Variants in CCDC73 observed in about 807,000 individuals in gnomAD.
The protein encoded by CCDC73 is coiled-coil domain containing 73.
Under a neutral mutation model 116.5 loss-of-function variants are expected in CCDC73, and 95 were observed. That is an observed-to-expected ratio of 0.82 (90% CI 0.69 to 0.97). CCDC73 has a LOEUF of 0.97. Ranked by LOEUF, CCDC73 falls within the 50% of genes least tolerant of loss-of-function variation. The pLI is 0.00. For synonymous variants in CCDC73, 398 were observed against 401.3 expected, an observed-to-expected ratio of 0.99 and a Z score of 0.10; for missense variants, 1,066 against 1,206.8, an observed-to-expected ratio of 0.88 and a Z score of 1.73.
At chr11:32,826,659 AC>A in the CCDC73 span, among the ~76,000 whole-genome samples, 3,622 of 128,334 alleles carry the variant, frequency 0.028, 119 homozygotes, top group East Asian at 0.078. Context: ...AAAAAAAAAA[AC>A]AAAAAAAAAA....
At chr11:32,829,779 G>A in the CCDC73 span, 14 of 985,448 alleles carry the variant, frequency 1.4e-5, no homozygotes, top group Non-Finnish European at 1.7e-5. Context: ...GGCCCGCCCG[G>A]GGATGGGGCA....
chr11:32,667,236 G>C (rs1201661732), intron 9 of CCDC73, among the ~76,000 whole-genome samples: 1 of 152,226 alleles, frequency 6.6e-6, no homozygotes, highest in East Asian at 1.9e-4. Flanking sequence ...GCTGCCTTTT[G>C]TTTGGCTATG....
intron 2 of CCDC73, among the ~76,000 whole-genome samples, chr11:32,759,087 T>A (rs1019510116): frequency 6.6e-6 from 1 of 151,998 alleles, no homozygotes; most frequent in African/African-American, 2.4e-5. Context: ...GTCAGTAAAT[T>A]CTATTGATTC....
rs548528052 is a variant in CCDC73, at chr11:32,727,153, G to A, written c.136-9006C>T. ...TTTTTTCATAATTATACTAGCTGTG[G>A]GGGAAGAATGTCATAGAGAATAAAG... is the stretch of plus-strand genomic sequence containing the variant. On this transcript the variant is annotated intron_variant, in intron 2 of 17. Transcript: ENST00000335185. 3.0e-3 allele frequency among the ~76,000 whole-genome samples: 454 copies of A among 152,204 alleles called. 2 individuals are homozygous for A. The highest frequency in any genetic ancestry group is 0.011 in the African/African-American group (440 of 41,530).
chr11:32,783,759 TC>T (rs1850603145), intron 1 of CCDC73, among the ~76,000 whole-genome samples: 1 of 152,164 alleles, frequency 6.6e-6, no homozygotes, highest in Non-Finnish European at 1.5e-5. Flanking sequence ...GGATTAGGTT[TC>T]AACGTATGAA....
Position 32,653,207 on chromosome 11 carries a change from T to C in CCDC73, c.855A>G (p.Gln285=), listed in dbSNP as rs1354140253. 2 of 1,610,330 alleles carry C rather than the reference T, an allele frequency of 1.2e-6. No individual in the cohort carries two copies. The highest frequency in any genetic ancestry group is 2.2e-5 in the South Asian group (2 of 90,654). Residue 285 remains glutamine (Q), a synonymous_variant, in exon 12 of 18, where the codon CAA becomes CAG. Transcript: ENST00000335185. ...EEKQDIIISF[Q]HMQQLLRQQI... is the part of the protein sequence containing the mutation. ...GTTGCCGAAGTAACTGCTGCATATG[T>C]TGGAAAGAAATGATGATATCCTTTG...
intron 2 of CCDC73, among the ~76,000 whole-genome samples, chr11:32,745,751 T>C (rs200567834): frequency 6.7e-6 from 1 of 150,208 alleles, no homozygotes; most frequent in Non-Finnish European, 1.5e-5. Flanking sequence ...TTTGGTTTTT[T>C]TTTTTTTTTT....
At chr11:32,744,001 T>G (rs1032570704) in intron 2 of CCDC73, among the ~76,000 whole-genome samples, 3 of 152,204 alleles carry the variant, frequency 2.0e-5, no homozygotes, top group South Asian at 4.1e-4. Flanking sequence ...TCAAAGGGAA[T>G]GCTTCCAGTC....
At chr11:32,760,314 AG>A (rs1344981370) in intron 1 of CCDC73, 56 bp from the exon 2 acceptor site, 1 of 1,019,308 alleles carries the variant, frequency 9.8e-7, no homozygotes, top group Non-Finnish European at 1.5e-6. Context: ...TTCAAGTAAA[AG>A]CATAGTTACC....
chr11:32,741,690 G>C (rs1166845245), intron 2 of CCDC73, among the ~76,000 whole-genome samples: 2 of 151,476 alleles, frequency 1.3e-5, no homozygotes, highest in East Asian at 3.9e-4. Flanking sequence ...TTTAAATTCT[G>C]GATTACATGT....
chr11:32,808,634 G>A, the CCDC73 span, among the ~76,000 whole-genome samples: 13 of 132,224 alleles, frequency 9.8e-5, no homozygotes, highest in African/African-American at 3.5e-4. Context: ...GCGAGACTCC[G>A]TCTCAAAGAA....
At chr11:32,740,582 G>A (rs1053625687) in intron 2 of CCDC73, among the ~76,000 whole-genome samples, 1 of 151,524 alleles carries the variant, frequency 6.6e-6, no homozygotes, top group Non-Finnish European at 1.5e-5. Flanking sequence ...CTTTTCTCTT[G>A]TTTTCTTAGT....
At chr11:32,820,971 TTTATCTGTCA>T in the CCDC73 span, among the ~76,000 whole-genome samples, 1 of 152,184 alleles carries the variant, frequency 6.6e-6, no homozygotes, top group Non-Finnish European at 1.5e-5. Context: ...ATCTCTACCC[TTTATCTGTCA>T]TATATGTTGC....
intron 3 of CCDC73, among the ~76,000 whole-genome samples, chr11:32,713,351 T>C (rs556801332): frequency 1.3e-5 from 2 of 152,150 alleles, no homozygotes; most frequent in East Asian, 3.9e-4. Context: ...TTTGGTGTTG[T>C]CCATGATTTT....
At chr11:32,815,036 A>G in the CCDC73 span, among the ~76,000 whole-genome samples, 6 of 152,218 alleles carry the variant, frequency 3.9e-5, no homozygotes, top group Non-Finnish European at 8.8e-5. Context: ...GGAGAGAGAG[A>G]GAATGGTGAA....
rs144101535 is a variant in CCDC73, at chr11:32,652,979, T to TTGA, written c.939+141_939+143dup. On this transcript the variant is annotated intron_variant, in intron 12 of 17. Transcript: ENST00000335185. ...CATTACTTTAGACACTGAAAACAAG[T>TTGA]TGAAGGAAGTCAATATCTTACCCCT... 2.6e-3 allele frequency: 1,368 copies of TTGA among 522,166 alleles called. 19 individuals carry two copies. Among genetic ancestry groups the TTGA allele is most frequent in the African/African-American group, 0.025 (1,273 of 51,610 alleles). The allele number at this position is 522,166 out of a possible 1,614,324, so 32.3% of individuals were successfully genotyped here.
At chr11:32,780,314 T>G (rs1850571787) in intron 1 of CCDC73, among the ~76,000 whole-genome samples, 1 of 151,614 alleles carries the variant, frequency 6.6e-6, no homozygotes, top group South Asian at 2.1e-4. Context: ...AATAACATAT[T>G]TACCTATAAA....
chr11:32,719,870 T>C (rs956705076), intron 2 of CCDC73, among the ~76,000 whole-genome samples: 7 of 152,062 alleles, frequency 4.6e-5, no homozygotes, highest in Non-Finnish European at 1.0e-4. Flanking sequence ...ACAGACAATC[T>C]AAATAGCCCT....
At chr11:32,608,337 G>A (rs114861240) in intron 17 of CCDC73, among the ~76,000 whole-genome samples, 7,168 of 152,262 alleles carry the variant, frequency 0.047, 186 homozygotes, top group African/African-American at 0.061. Flanking sequence ...GAGGGGTGGG[G>A]TACAGGCATT....
Sources: allele counts gnomAD v4.1 joint callset (sites outside exome capture counted in the v4.1 genomes callset), GRCh38; gene constraint gnomAD v4.1.1; transcripts MANE v1.5; gene names NCBI Gene and HGNC (gene_info 2026-07-23, HGNC 2026-07-21).